RELN: variants seen among roughly 807,000 people sequenced by gnomAD.
The protein encoded by RELN is reelin.
Under a neutral mutation model 427.6 loss-of-function variants are expected in RELN, and 108 were observed. The ratio of observed to expected loss-of-function variants is 0.25; its 90% CI spans 0.22 to 0.30. The LOEUF (loss-of-function observed/expected upper bound fraction) is 0.30. RELN is among the 10% of genes least tolerant of loss of function. The pLI, the probability that RELN is intolerant of heterozygous loss-of-function variation, is 1.00. For missense variants in RELN, 3,715 were observed against 4,302.8 expected (o/e 0.86, Z 3.82); for synonymous variants, 1,524 against 1,513.4 (o/e 1.01, Z -0.16).
At chr7:103,835,952 C>A (rs1187092727) in intron 2 of RELN, among the ~76,000 whole-genome samples, 1 of 117,974 alleles carries the variant, frequency 8.5e-6, no homozygotes, top group Admixed American at 8.5e-5. Flanking sequence ...CTCTCAATTA[C>A]CCTTTTTTTT....
chr7:103,494,394 G>GTGTGTGTGTGTGTGTGTGTGTGA (rs774896895), intron 57 of RELN, among the ~76,000 whole-genome samples: 102 of 134,540 alleles, frequency 7.6e-4, no homozygotes, highest in East Asian at 1.8e-3. Flanking sequence ...TGTGTGTGTG[G>GTGTGTGTGTGTGTGTGTGTGTGA]GATATGGTCT....
intron 64 of RELN, chr7:103,476,666 G>A: frequency 3.5e-6 from 1 of 286,378 alleles, no homozygotes; most frequent in Non-Finnish European, 7.4e-6. Context: ...CTAAAATGCT[G>A]TCTGCCTCTA....
rs563400384 is a variant in RELN at position 103,552,886 on chromosome 7, T to C, written c.6072+575A>G. 4.5e-4 allele frequency among the ~76,000 whole-genome samples: 68 copies of C among 152,292 alleles called. 1 individual carries two copies. The South Asian group carries it at 0.014, about 31-fold the overall frequency. On this transcript the variant is annotated intron_variant, in intron 40 of 64. Coordinates refer to ENST00000428762, the MANE Select transcript of RELN (RefSeq NM_005045.4). Reference sequence around the variant, plus strand: ...CTGAAAAGTTAATATTCTAAAACGCTGGTATAATATACCTTTGGTTCTGCT... The same window carrying C: ...CTGAAAAGTTAATATTCTAAAACGCCGGTATAATATACCTTTGGTTCTGCT...
chr7:103,975,272 C>T (rs532659096), intron 1 of RELN, among the ~76,000 whole-genome samples: 32 of 152,174 alleles, frequency 2.1e-4, no homozygotes, highest in Non-Finnish European at 3.4e-4. Context: ...TTCTTGCTCA[C>T]TGATTAAATA....
chr7:103,490,769 G>A lies in RELN; in HGVS notation c.9504C>T (p.Gly3168=). The change falls in exon 59 of 65, where the codon GGC becomes GGT. Residue 3168 remains glycine (G), a synonymous_variant. Coordinates refer to ENST00000428762, the MANE Select transcript of RELN (RefSeq NM_005045.4). ...CTTCATGGAACTGGAAAGGGGAGCA[G>A]CCAATGCTGTTAGAAGAGGAAGGAA... is the stretch of plus-strand genomic sequence containing the variant. ...QCLPSSSNSI[G]CSPFQFHEAT... 2 of 1,614,184 alleles carry A rather than the reference G, an allele frequency of 1.2e-6. No individual in the cohort carries two copies. The highest frequency in any genetic ancestry group is 1.7e-6 in the Non-Finnish European group (2 of 1,180,026).
intron 49 of RELN, among the ~76,000 whole-genome samples, chr7:103,516,124 C>G (rs1466729500): frequency 7.9e-5 from 12 of 152,146 alleles, no homozygotes; most frequent in Admixed American, 1.3e-4. Context: ...CATGCTCCAA[C>G]AGAAAACTGA....
At chr7:103,533,681 C>T (rs902345881) in intron 46 of RELN, among the ~76,000 whole-genome samples, 3 of 152,134 alleles carry the variant, frequency 2.0e-5, no homozygotes, top group Admixed American at 6.5e-5. Context: ...TTTCAAATAA[C>T]ATTTGAAAGG....
intron 4 of RELN, among the ~76,000 whole-genome samples, chr7:103,758,715 A>G (rs1260350485): frequency 6.7e-6 from 1 of 149,724 alleles, no homozygotes; most frequent in South Asian, 2.2e-4. Flanking sequence ...AGATAAGTAA[A>G]TAAATGTTAT....
intron 15 of RELN, 122 bp downstream of exon 15, chr7:103,651,539 C>G (rs1460891579): frequency 4.3e-6 from 4 of 924,916 alleles, no homozygotes; most frequent in Non-Finnish European, 7.0e-6. Context: ...TACAAGACCA[C>G]TTTTAAAGAG....
intron 19 of RELN, among the ~76,000 whole-genome samples, chr7:103,631,772 C>T (rs1442051514): frequency 6.6e-6 from 1 of 151,642 alleles, no homozygotes; most frequent in African/African-American, 2.4e-5. Flanking sequence ...TAAACAAATG[C>T]ATATATTTAT....
chr7:103,883,670 A>T (rs895495605), intron 2 of RELN, among the ~76,000 whole-genome samples: 14 of 152,244 alleles, frequency 9.2e-5, no homozygotes, highest in Non-Finnish European at 1.9e-4. Context: ...TCATGAGTGA[A>T]CTACCATTCA....
intron 3 of RELN, among the ~76,000 whole-genome samples, chr7:103,787,659 C>A (rs553044293): frequency 6.6e-6 from 1 of 152,302 alleles, no homozygotes; most frequent in African/African-American, 2.4e-5. Context: ...CTGAATAAAA[C>A]AGTAACAAGT....
chr7:103,941,231 A>G (rs920007080), intron 1 of RELN, among the ~76,000 whole-genome samples: 2 of 152,244 alleles, frequency 1.3e-5, no homozygotes, highest in African/African-American at 2.4e-5. Flanking sequence ...AGAAAGATGT[A>G]TTCAAGTTTC....
Position 103,852,365 on chromosome 7 carries a change from G to C in RELN, c.338-18693C>G, listed in dbSNP as rs144406302. ...AGTAGTCAAGAACAAAGATTGTGGAGACAAATTACCTGTGTTCACATCCAT... is the reference window on the plus strand; with the variant it reads ...AGTAGTCAAGAACAAAGATTGTGGACACAAATTACCTGTGTTCACATCCAT... On this transcript the variant is annotated intron_variant, in intron 2 of 64. Coordinates refer to ENST00000428762, the MANE Select transcript of RELN (RefSeq NM_005045.4). Among the ~76,000 whole-genome samples, 402 of 152,208 alleles carry C rather than the reference G, an allele frequency of 2.6e-3. 2 individuals carry two copies. Among genetic ancestry groups the C allele is most frequent in the African/African-American group, 9.2e-3 (383 of 41,544 alleles).
At chr7:103,665,359 T>C (rs951457037) in intron 11 of RELN, among the ~76,000 whole-genome samples, 4 of 125,604 alleles carry the variant, frequency 3.2e-5, no homozygotes, top group Admixed American at 8.0e-5. Flanking sequence ...TGTGTGTGTG[T>C]GTGTATATAT....
At chr7:103,588,208 G>A (rs1267149100) in intron 28 of RELN, among the ~76,000 whole-genome samples, 1 of 152,150 alleles carries the variant, frequency 6.6e-6, no homozygotes, top group African/African-American at 2.4e-5. Flanking sequence ...ATGAAATCAT[G>A]TCATTTGCAG....
chr7:103,717,547 A>T (rs1421903236), intron 8 of RELN, among the ~76,000 whole-genome samples: 1 of 151,880 alleles, frequency 6.6e-6, no homozygotes, highest in Non-Finnish European at 1.5e-5. Flanking sequence ...ATCTTAGTTG[A>T]ATACATTTAT....
rs761320660 is a variant in RELN, at chr7:103,651,675, A to AGAG, written c.1875_1877dup (p.Ser626dup). 1 of 1,611,830 alleles carries AGAG rather than the reference A, an allele frequency of 6.2e-7. No individual in the cohort carries two copies. Among genetic ancestry groups the AGAG allele is most frequent in the Non-Finnish European group, 8.5e-7 (1 of 1,178,452 alleles). On this transcript the variant is annotated inframe_insertion, in exon 15 of 65. Coordinates refer to ENST00000428762, the MANE Select transcript of RELN (RefSeq NM_005045.4). ...AATGTACTCACCCACTGTAGTTTTC[A>AGAG]GAGGAGTAGACAGTGCTGTGGGGGA...
intron 11 of RELN, among the ~76,000 whole-genome samples, chr7:103,665,686 T>G (rs1222051377): frequency 6.6e-6 from 1 of 152,190 alleles, no homozygotes; most frequent in Non-Finnish European, 1.5e-5. Flanking sequence ...TGTATGTAGG[T>G]ATAGGTTTAT....
Sources: allele counts gnomAD v4.1 joint callset (sites outside exome capture counted in the v4.1 genomes callset), GRCh38; gene constraint gnomAD v4.1.1; transcripts MANE v1.5; gene names NCBI Gene and HGNC (gene_info 2026-07-23, HGNC 2026-07-21).